The following RNF150 variants were observed in gnomAD, a reference collection of about 807,000 sequenced individuals.
The protein encoded by RNF150 is ring finger protein 150.
A neutral mutation model predicts 39.3 loss-of-function variants in RNF150; 24 were observed. That is an observed-to-expected ratio of 0.61 (90% CI 0.44 to 0.86). The LOEUF (loss-of-function observed/expected upper bound fraction) is 0.86. RNF150 is among the 40% of genes least tolerant of loss of function. RNF150 has a pLI of 0.00. For synonymous variants in RNF150, 255 were observed against 227.3 expected (o/e 1.12, Z -1.10); for missense variants, 502 against 587.8 (o/e 0.85, Z 1.51).
chr4:140,939,451 A>AAAGAGG lies in RNF150; in HGVS notation c.890+8197_890+8202dup, dbSNP rs1367354894. Among the ~76,000 whole-genome samples, 3 of 152,326 alleles carry AAAGAGG rather than the reference A, an allele frequency of 2.0e-5. No homozygotes were observed. In the East Asian group the frequency reaches 5.8e-4, roughly 29 times the overall value. On this transcript the variant is annotated intron_variant, in intron 4 of 6. Coordinates refer to ENST00000515673, the MANE Select transcript of RNF150 (RefSeq NM_020724.2). ...CCTTATTCCTAAAAGGAAAGAAGAG[A>AAAGAGG]AAGAGGAAGGGTAACACAGTGTTTA... is the stretch of plus-strand genomic sequence containing the variant.
intron 1 of RNF150, among the ~76,000 whole-genome samples, chr4:141,191,550 G>T (rs1235973888): frequency 1.3e-5 from 2 of 152,152 alleles, no homozygotes; most frequent in African/African-American, 4.8e-5. Flanking sequence ...GTCAAAGAGG[G>T]TGTCGTATAT....
chr4:141,021,867 A>G (rs979055293), intron 1 of RNF150, among the ~76,000 whole-genome samples: 1 of 152,236 alleles, frequency 6.6e-6, no homozygotes, highest in African/African-American at 2.4e-5. Context: ...CACATGTGAG[A>G]AACAGTGAAT....
intron 1 of RNF150, among the ~76,000 whole-genome samples, chr4:141,201,440 G>C (rs1728288272): frequency 6.6e-6 from 1 of 152,140 alleles, no homozygotes; most frequent in African/African-American, 2.4e-5. Flanking sequence ...CACAGACCAG[G>C]TATATCTTTC....
At chr4:141,008,718 T>C (rs986200041) in intron 1 of RNF150, among the ~76,000 whole-genome samples, 2 of 152,190 alleles carry the variant, frequency 1.3e-5, no homozygotes, top group African/African-American at 2.4e-5. Flanking sequence ...ATGTATGTTC[T>C]GCTCTGATTC....
chr4:141,163,776 A>G (rs755156964), intron 1 of RNF150, among the ~76,000 whole-genome samples: 30 of 152,166 alleles, frequency 2.0e-4, no homozygotes, highest in Non-Finnish European at 3.4e-4. Context: ...CAAAAAGGAC[A>G]TCCACACAAA....
chr4:140,927,522 C>T (rs1321749698), intron 4 of RNF150, among the ~76,000 whole-genome samples: 4 of 152,176 alleles, frequency 2.6e-5, no homozygotes, highest in African/African-American at 9.7e-5. Flanking sequence ...GAAGTGCTGG[C>T]TCTCTCTTTG....
rs1375427102 is a variant in RNF150 at position 140,911,440 on chromosome 4, G to GA, written c.988-87dup. The GA allele has an allele frequency of 3.4e-6, 4 of 1,162,618 alleles. No individual in the cohort carries two copies. In the African/African-American group the frequency reaches 4.7e-5, roughly 14 times the overall value. The allele number at this position is 1,162,618 out of a possible 1,614,324, so 72.0% of individuals were successfully genotyped here. ...TATAGCCTAAACATTCTGTCTCCAT[G>GA]AAAAAATTAAGTTCTTTATTGTTTA... On this transcript the variant is annotated intron_variant, in intron 5 of 6. Transcript: ENST00000515673.
At chr4:141,206,955 T>C (rs1360506633) in intron 1 of RNF150, among the ~76,000 whole-genome samples, 1 of 151,414 alleles carries the variant, frequency 6.6e-6, no homozygotes, top group Non-Finnish European at 1.5e-5. Flanking sequence ...ACCTGGAGTC[T>C]GATGTCCAAG....
In RNF150 at chr4:140,947,647, G is replaced by A. The variant is rs772989671; in HGVS notation, c.890+7C>T. ...CCCAATCAAAAGCAGGCAGCCTAGT[G>A]ACTCACCGGCAGGGCAGGATCCGGA... On this transcript the variant is annotated splice_region_variant and intron_variant, in intron 4 of 6. Coordinates refer to ENST00000515673, the MANE Select transcript of RNF150 (RefSeq NM_020724.2). The A allele has an allele frequency of 1.6e-5, 26 of 1,606,400 alleles. No individual in the cohort carries two copies. The highest frequency in any genetic ancestry group is 2.2e-5 in the Non-Finnish European group (26 of 1,174,674).
chr4:140,936,095 G>C (rs945903912), intron 4 of RNF150, among the ~76,000 whole-genome samples: 3 of 152,160 alleles, frequency 2.0e-5, no homozygotes, highest in African/African-American at 7.2e-5. Context: ...ATTCATCTGT[G>C]CCTTGGTGTA....
rs572173178 is a variant in RNF150 at position 141,125,766 on chromosome 4, T to A, written c.484+6559A>T. On this transcript the variant is annotated intron_variant, in intron 1 of 6. Transcript: ENST00000515673. Reference sequence around the variant, plus strand: ...GGTTCTTTCTGGACCTTTCCAGATTTCATGGTTATAAAATTACTTCCTTTT... The same window carrying A: ...GGTTCTTTCTGGACCTTTCCAGATTACATGGTTATAAAATTACTTCCTTTT... Among the ~76,000 whole-genome samples, 4 of 152,310 alleles carry A rather than the reference T, an allele frequency of 2.6e-5. No homozygotes were observed. In the East Asian group the frequency reaches 7.7e-4, roughly 29 times the overall value.
intron 1 of RNF150, among the ~76,000 whole-genome samples, chr4:141,161,828 G>A (rs1268017329): frequency 6.6e-6 from 1 of 152,228 alleles, no homozygotes; most frequent in Non-Finnish European, 1.5e-5. Flanking sequence ...TGTTAAGCCT[G>A]TGGGTACACA....
intron 1 of RNF150, among the ~76,000 whole-genome samples, chr4:141,199,856 C>T (rs532442421): frequency 2.6e-5 from 4 of 152,236 alleles, no homozygotes; most frequent in South Asian, 2.1e-4. Context: ...TCTACATTCT[C>T]GTGTCTTCCC....
At chr4:141,109,592 A>G (rs1739321793) in intron 1 of RNF150, among the ~76,000 whole-genome samples, 1 of 152,076 alleles carries the variant, frequency 6.6e-6, no homozygotes, top group Non-Finnish European at 1.5e-5. Flanking sequence ...GAAAAGAGGT[A>G]AAATTTAAGA....
chr4:141,103,047 C>A (rs2111040793), intron 1 of RNF150, among the ~76,000 whole-genome samples: 1 of 152,258 alleles, frequency 6.6e-6, no homozygotes, highest in Middle Eastern at 3.4e-3. Flanking sequence ...ACTCACCATC[C>A]CCTGTGGTTT....
At chr4:141,006,059 A>G (rs1578623603) in intron 1 of RNF150, among the ~76,000 whole-genome samples, 1 of 125,170 alleles carries the variant, frequency 8.0e-6, no homozygotes, top group Admixed American at 8.0e-5. Context: ...ACAGAGCGAG[A>G]CTCCGTCTCA....
intron 1 of RNF150, among the ~76,000 whole-genome samples, chr4:141,034,318 C>T (rs1291383177): frequency 6.6e-6 from 1 of 152,136 alleles, no homozygotes; most frequent in Non-Finnish European, 1.5e-5. Flanking sequence ...CTCAGCCTTC[C>T]TACCATTGAA....
Position 140,878,737 on chromosome 4 carries a change from C to T in RNF150, c.1199-10358G>A, listed in dbSNP as rs1402453598. Among the ~76,000 whole-genome samples, 5 of 152,076 alleles carry T rather than the reference C, an allele frequency of 3.3e-5. No individual in the cohort carries two copies. In the East Asian group the frequency reaches 9.6e-4, roughly 29 times the overall value. On this transcript the variant is annotated intron_variant, in intron 6 of 6. Transcript: ENST00000515673. ...TTCACTCTGTTGACTGTTTACTGTG[C>T]AGAAGATTTTAGTGTAATGTAGTCC...
At chr4:140,942,174 CCAAAAAA>C (rs1206883382) in intron 4 of RNF150, among the ~76,000 whole-genome samples, 1 of 151,854 alleles carries the variant, frequency 6.6e-6, no homozygotes, top group African/African-American at 2.4e-5. Flanking sequence ...CCAAAAAAAA[CCAAAAAA>C]CAAAAAACAA....
Sources: gnomAD v4.1 joint callset for allele counts (sites outside exome capture counted in the v4.1 genomes callset) on GRCh38, gnomAD v4.1.1 for gene constraint, MANE v1.5 for transcripts, NCBI Gene and HGNC (gene_info 2026-07-23, HGNC 2026-07-21) for gene names.